FBXL20: variants seen among roughly 807,000 people sequenced by gnomAD.
FBXL20 encodes the protein F-box and leucine rich repeat protein 20.
FBXL20 carries 11 observed loss-of-function variants against 64.0 expected under a neutral mutation model. That is an observed-to-expected ratio of 0.17 (90% CI 0.11 to 0.28). FBXL20 has a LOEUF of 0.28. FBXL20 is among the 10% of genes least tolerant of loss of function. The pLI is 1.00. For synonymous variants in FBXL20, 184 were observed against 189.0 expected (o/e 0.97, Z 0.22); for missense variants, 303 against 526.2 (o/e 0.58, Z 4.15).
At chr17:39,295,016 G>A (rs1189870608) in intron 6 of FBXL20, among the ~76,000 whole-genome samples, 3 of 152,176 alleles carry the variant, frequency 2.0e-5, no homozygotes, top group Non-Finnish European at 2.9e-5. Flanking sequence ...TATTGTTAAA[G>A]AGTACATACT....
rs377238537 is a variant in FBXL20, at chr17:39,324,747, G to T, written c.104+18433C>A. On this transcript the variant is annotated intron_variant, in intron 2 of 14. Coordinates refer to ENST00000264658, the MANE Select transcript of FBXL20 (RefSeq NM_032875.3). ...CCAATTAAGTTGTGAAATGTATCAG[G>T]ATAGAAATGTGACAACAGTGCATTG... Among the ~76,000 whole-genome samples the T allele has an allele frequency of 4.6e-5, 7 of 152,070 alleles. No homozygotes were observed. In the East Asian group the frequency reaches 1.2e-3, roughly 25 times the overall value.
At chr17:39,325,455 G>C (rs1468838184) in intron 2 of FBXL20, among the ~76,000 whole-genome samples, 1 of 152,138 alleles carries the variant, frequency 6.6e-6, no homozygotes, top group African/African-American at 2.4e-5. Context: ...AATTGGGAAT[G>C]AAATATTAAA....
chr17:39,363,844 A>G (rs1234015897), intron 1 of FBXL20, among the ~76,000 whole-genome samples: 5 of 148,818 alleles, frequency 3.4e-5, no homozygotes, highest in Non-Finnish European at 7.4e-5. Flanking sequence ...CAAAAAAAAA[A>G]ACAATAAAAA....
chr17:39,379,642 G>C (rs1296410116), intron 1 of FBXL20, among the ~76,000 whole-genome samples: 1 of 151,714 alleles, frequency 6.6e-6, no homozygotes, highest in Non-Finnish European at 1.5e-5. Context: ...TTAGCTGGGC[G>C]TGGTGGTACC....
intron 1 of FBXL20, among the ~76,000 whole-genome samples, chr17:39,352,645 C>T (rs910728434): frequency 1.4e-5 from 2 of 145,426 alleles, no homozygotes; most frequent in African/African-American, 5.2e-5. Context: ...CAGGCTACTG[C>T]ACTCCAGCCT....
intron 1 of FBXL20, among the ~76,000 whole-genome samples, chr17:39,350,499 ACAAAAACAAAAAAAGAAG>A (rs2047677620): frequency 2.0e-5 from 3 of 148,492 alleles, no homozygotes; most frequent in Non-Finnish European, 3.0e-5. Flanking sequence ...GAAAACAAAA[ACAAAAACAAAAAAAGAAG>A]CAAAAAAAAA....
chr17:39,296,115 C>A (rs780131327), intron 6 of FBXL20, among the ~76,000 whole-genome samples: 1 of 151,984 alleles, frequency 6.6e-6, no homozygotes, highest in Non-Finnish European at 1.5e-5. Flanking sequence ...AATTCTTATT[C>A]TTTATAACAC....
chr17:39,351,339 CAAAAAAA>C (rs375439559), intron 1 of FBXL20, among the ~76,000 whole-genome samples: 2 of 95,720 alleles, frequency 2.1e-5, no homozygotes, highest in African/African-American at 7.1e-5. Flanking sequence ...TCTGTCTCAC[CAAAAAAA>C]AAAAAAAAAA....
chr17:39,307,737 G>A lies in FBXL20; in HGVS notation c.105-4098C>T, dbSNP rs540084730. On this transcript the variant is annotated intron_variant, in intron 2 of 14. Coordinates refer to ENST00000264658, the MANE Select transcript of FBXL20 (RefSeq NM_032875.3). ...GTAATCCCCAGCACTTTGGGAGGCC[G>A]AGGCGGGTGGATCACCTGAGGTCAG... 3.3e-5 allele frequency among the ~76,000 whole-genome samples: 5 copies of A among 151,780 alleles called. No homozygotes were observed. In the East Asian group the frequency reaches 5.8e-4, roughly 18 times the overall value.
chr17:39,256,937 C>T lies in FBXL20; in HGVS notation c.*4523G>A, dbSNP rs1337673721. 1.3e-5 allele frequency: 2 copies of T among 152,100 alleles called. No individual in the cohort carries two copies. The highest frequency in any genetic ancestry group is 4.8e-5 in the African/African-American group (2 of 41,402). The allele number at this position is 152,100 out of a possible 1,614,324, so 9.4% of individuals were successfully genotyped here. A position where few individuals can be genotyped will look rare whatever the true frequency, so the allele number is the denominator to read the frequency against. Reference sequence around the variant, plus strand: ...TTTCATCACATATTTTGTTTAGTCCCCCATGGCATTAGTGGGCTATCAAAC... The same window carrying T: ...TTTCATCACATATTTTGTTTAGTCCTCCATGGCATTAGTGGGCTATCAAAC... On this transcript the variant is annotated 3_prime_UTR_variant, in exon 15 of 15. Transcript: ENST00000264658.
intron 1 of FBXL20, among the ~76,000 whole-genome samples, chr17:39,358,350 T>C (rs182359499): frequency 6.6e-6 from 1 of 152,240 alleles, no homozygotes; most frequent in East Asian, 1.9e-4. Context: ...CCAGAAATAA[T>C]GTTTTACTAG....
intron 2 of FBXL20, among the ~76,000 whole-genome samples, chr17:39,337,469 C>T (rs542577832): frequency 3.3e-5 from 5 of 151,064 alleles, no homozygotes; most frequent in African/African-American, 1.2e-4. Context: ...GTGAGGAGCC[C>T]CTCTGCCTGG....
chr17:39,340,516 C>T (rs2047572215), intron 2 of FBXL20, among the ~76,000 whole-genome samples: 1 of 152,214 alleles, frequency 6.6e-6, no homozygotes, highest in Non-Finnish European at 1.5e-5. Context: ...AGGTGTGAGC[C>T]ACTGTGCCCA....
At chr17:39,393,744 T>C (rs1423400156) in intron 1 of FBXL20, among the ~76,000 whole-genome samples, 1 of 152,316 alleles carries the variant, frequency 6.6e-6, no homozygotes, top group East Asian at 1.9e-4. Flanking sequence ...CTCAAATGCC[T>C]AATAAATAAT....
At chr17:39,282,429 G>A (rs577645589) in intron 8 of FBXL20, among the ~76,000 whole-genome samples, 1 of 152,250 alleles carries the variant, frequency 6.6e-6, no homozygotes, top group African/African-American at 2.4e-5. Context: ...AACAAGCCAA[G>A]TTTTCTTTTC....
chr17:39,262,714 T>C (rs2046757553), intron 14 of FBXL20, among the ~76,000 whole-genome samples: 1 of 151,820 alleles, frequency 6.6e-6, no homozygotes, highest in South Asian at 2.1e-4. Flanking sequence ...AAACTTCTTT[T>C]TCGGCCGGGC....
At chr17:39,397,924 T>C (rs1190199348) in intron 1 of FBXL20, among the ~76,000 whole-genome samples, 1 of 151,534 alleles carries the variant, frequency 6.6e-6, no homozygotes, top group Non-Finnish European at 1.5e-5. Flanking sequence ...AACACCTTAC[T>C]TAACCTCTCA....
intron 1 of FBXL20, among the ~76,000 whole-genome samples, chr17:39,360,119 G>C (rs375868598): frequency 2.6e-5 from 4 of 152,010 alleles, no homozygotes; most frequent in African/African-American, 9.7e-5. Flanking sequence ...GAACCCTGAA[G>C]ACATTATGCT....
intron 5 of FBXL20, 31 bp downstream of exon 5, chr17:39,298,959 C>T (rs751029514): frequency 1.9e-6 from 3 of 1,560,362 alleles, no homozygotes; most frequent in African/African-American, 2.7e-5. Flanking sequence ...TCACTTCCAT[C>T]AAGAAGATTA....
Sources: allele counts gnomAD v4.1 joint callset (sites outside exome capture counted in the v4.1 genomes callset), GRCh38; gene constraint gnomAD v4.1.1; transcripts MANE v1.5; gene names NCBI Gene and HGNC (gene_info 2026-07-23, HGNC 2026-07-21).